Variants in SCARA3 observed in about 807,000 individuals in gnomAD.
SCARA3 encodes scavenger receptor class A member 3, also known as cellular stress response gene protein.
SCARA3 carries 39 observed loss-of-function variants against 47.0 expected under a neutral mutation model. That is an observed-to-expected ratio of 0.83 (90% CI 0.64 to 1.08). The LOEUF (loss-of-function observed/expected upper bound fraction) is 1.08, where lower values mean the gene tolerates loss of function less well. Ranked by LOEUF, SCARA3 falls within the 50% of genes least tolerant of loss-of-function variation. SCARA3 has a pLI of 0.00. For synonymous variants in SCARA3, 356 were observed against 334.1 expected (o/e 1.07, Z -0.71); for missense variants, 724 against 792.3 (o/e 0.91, Z 1.04).
intron 4 of SCARA3, 45 bp from the exon 5 acceptor site, chr8:27,658,451 C>A: frequency 6.6e-7 from 1 of 1,508,102 alleles, no homozygotes; most frequent in Non-Finnish European, 8.9e-7. Context: ...AAGCGTCGTA[C>A]CCTGGCCCTT....
the SCARA3 span, among the ~76,000 whole-genome samples, chr8:27,729,684 G>A: frequency 6.6e-6 from 1 of 152,050 alleles, no homozygotes; most frequent in African/African-American, 2.4e-5. Context: ...CCAACTACTC[G>A]GGAGCCTGAG....
chr8:27,642,905 G>C (rs887610577), intron 1 of SCARA3, among the ~76,000 whole-genome samples: 1 of 152,188 alleles, frequency 6.6e-6, no homozygotes, highest in African/African-American at 2.4e-5. Flanking sequence ...GGGTTCAGGG[G>C]AGTCGGGGGG....
intron 1 of SCARA3, among the ~76,000 whole-genome samples, chr8:27,641,612 C>T (rs1027335485): frequency 6.6e-6 from 1 of 152,198 alleles, no homozygotes; most frequent in Non-Finnish European, 1.5e-5. Flanking sequence ...GGGCAGAACT[C>T]AACCCTTGGG....
chr8:27,647,242 A>G (rs1050642935), intron 1 of SCARA3, among the ~76,000 whole-genome samples: 2 of 152,088 alleles, frequency 1.3e-5, no homozygotes, highest in Non-Finnish European at 2.9e-5. Flanking sequence ...CCTCACACAC[A>G]TGTGCACACA....
chr8:27,674,321 T>C (rs906485584), downstream of SCARA3, among the ~76,000 whole-genome samples: 1 of 152,222 alleles, frequency 6.6e-6, no homozygotes, highest in African/African-American at 2.4e-5. Context: ...GTGAGTTCCA[T>C]GATGGAGGTG....
the SCARA3 span, among the ~76,000 whole-genome samples, chr8:27,730,455 C>T: frequency 6.6e-6 from 1 of 151,490 alleles, no homozygotes; most frequent in African/African-American, 2.4e-5. Flanking sequence ...TCCCCAAGCT[C>T]AGCTGAGTCC....
chr8:27,662,304 C>T (rs1035007351), intron 5 of SCARA3, among the ~76,000 whole-genome samples: 29 of 152,234 alleles, frequency 1.9e-4, no homozygotes, highest in African/African-American at 5.5e-4. Flanking sequence ...TGGAGAACCA[C>T]TCCTAAGCCC....
chr8:27,689,400 G>A, the SCARA3 span, among the ~76,000 whole-genome samples: 5 of 152,254 alleles, frequency 3.3e-5, no homozygotes, highest in South Asian at 2.1e-4. Context: ...AAACGGGAGC[G>A]GCTGATGAAA....
chr8:27,665,918 C>A (rs1025462152), intron 5 of SCARA3, among the ~76,000 whole-genome samples: 2 of 152,088 alleles, frequency 1.3e-5, no homozygotes, highest in Non-Finnish European at 2.9e-5. Context: ...AATGTTTGCT[C>A]GGTGAATAAA....
intron 1 of SCARA3, among the ~76,000 whole-genome samples, chr8:27,648,382 G>C (rs1801553287): frequency 6.6e-6 from 1 of 152,194 alleles, no homozygotes; most frequent in African/African-American, 2.4e-5. Flanking sequence ...CAAGGTGGGT[G>C]GATCACGGTC....
the SCARA3 span, among the ~76,000 whole-genome samples, chr8:27,700,515 G>C: frequency 2.0e-5 from 3 of 151,866 alleles, no homozygotes; most frequent in Non-Finnish European, 4.4e-5. Flanking sequence ...GGTGAGGCAG[G>C]AAAATCACTT....
chr8:27,704,039 A>T, the SCARA3 span, among the ~76,000 whole-genome samples: 1 of 151,826 alleles, frequency 6.6e-6, no homozygotes, highest in Non-Finnish European at 1.5e-5. Context: ...GAGGGCAAGG[A>T]AGAGGAAGCA....
Position 27,671,653 on chromosome 8 carries a change from T to TAG in SCARA3, c.*302_*303insAG. 9.1e-7 allele frequency: 1 copy of TAG among 1,100,128 alleles called. No individual in the cohort carries two copies. Among genetic ancestry groups the TAG allele is most frequent in the Non-Finnish European group, 1.1e-6 (1 of 899,644 alleles). 68.1% of individuals were successfully genotyped at this position (1,100,128 alleles called of 1,614,324 possible). ...AGGCATACATGCATGCACACACACA[T>TAG]GCACGCACACACACATGCACACATA... On this transcript the variant is annotated 3_prime_UTR_variant, in exon 6 of 6. Coordinates refer to ENST00000301904, the MANE Select transcript of SCARA3 (RefSeq NM_016240.3).
chr8:27,643,742 G>A (rs1328081798), intron 1 of SCARA3, among the ~76,000 whole-genome samples: 1 of 152,166 alleles, frequency 6.6e-6, no homozygotes, highest in Non-Finnish European at 1.5e-5. Context: ...CCCTGCAGAA[G>A]ATAATTATCA....
chr8:27,634,605 C>G (rs1801209783), intron 1 of SCARA3, among the ~76,000 whole-genome samples: 1 of 152,206 alleles, frequency 6.6e-6, no homozygotes, highest in South Asian at 2.1e-4. Flanking sequence ...CCCCACCGAG[C>G]CTTTCAACCG....
At chr8:27,646,168 G>A (rs1301622111) in intron 1 of SCARA3, among the ~76,000 whole-genome samples, 1 of 152,170 alleles carries the variant, frequency 6.6e-6, no homozygotes, top group African/African-American at 2.4e-5. Flanking sequence ...AGGGCTGTGA[G>A]TTATGGAGCT....
chr8:27,657,292 G>A (rs1801763160), intron 4 of SCARA3, among the ~76,000 whole-genome samples: 1 of 150,808 alleles, frequency 6.6e-6, no homozygotes, highest in African/African-American at 2.4e-5. Flanking sequence ...TTTAATATGT[G>A]CCATCTATTT....
At chr8:27,728,259 C>T in the SCARA3 span, among the ~76,000 whole-genome samples, 6 of 152,178 alleles carry the variant, frequency 3.9e-5, no homozygotes, top group East Asian at 1.2e-3. Flanking sequence ...CAGGTGTGCC[C>T]TTTGTGACTG....
rs71220602 is a variant in SCARA3 at position 27,650,159 on chromosome 8, AT to A, written c.106+367del. Among the ~76,000 whole-genome samples, 4 of 151,754 alleles carry A rather than the reference AT, an allele frequency of 2.6e-5. No homozygotes were observed. In the East Asian group the frequency reaches 7.8e-4, roughly 30 times the overall value. ...TGGCACGCACCACCATGCCTGGATA[AT>A]TTTTTTTATTTTTTGTAGATACAAG... is the stretch of plus-strand genomic sequence containing the variant. On this transcript the variant is annotated intron_variant, in intron 2 of 5. Coordinates refer to ENST00000301904, the MANE Select transcript of SCARA3 (RefSeq NM_016240.3).
Sources: gnomAD v4.1 joint callset for allele counts (sites outside exome capture counted in the v4.1 genomes callset) on GRCh38, gnomAD v4.1.1 for gene constraint, MANE v1.5 for transcripts, NCBI Gene and HGNC (gene_info 2026-07-23, HGNC 2026-07-21) for gene names.